DIAPH2: variants seen among roughly 807,000 people sequenced by gnomAD.
DIAPH2 encodes the protein protein diaphanous homolog 2.
A neutral mutation model predicts 92.7 loss-of-function variants in DIAPH2; 35 were observed. That is an observed-to-expected ratio of 0.38 (90% CI 0.29 to 0.50). DIAPH2 has a LOEUF of 0.50. Among genes scored for constraint, DIAPH2 ranks in the 20% least tolerant of loss-of-function variants. The probability of loss-of-function intolerance (pLI) is 0.94; values close to 1 mark genes in which losing one functional copy is unlikely to be tolerated. For missense variants in DIAPH2, 701 were observed against 819.5 expected, an observed-to-expected ratio of 0.86 and a Z score of 1.77; for synonymous variants, 301 against 280.4, an observed-to-expected ratio of 1.07 and a Z score of -0.73.
intron 1 of DIAPH2, among the ~76,000 whole-genome samples, chrX:96,716,460 G>C (rs1332503393): frequency 1.8e-5 from 2 of 111,671 alleles, no homozygotes; most frequent in Admixed American, 1.9e-4. Context: ...AGTCTCTTAT[G>C]TATTGTTTAT....
At chrX:96,707,136 T>C (rs1371035130) in intron 1 of DIAPH2, among the ~76,000 whole-genome samples, 1 of 109,010 alleles carries the variant, frequency 9.2e-6, no homozygotes, top group African/African-American at 3.3e-5. Flanking sequence ...CTGTCTCTAC[T>C]TTTTGATTGA....
intron 22 of DIAPH2, among the ~76,000 whole-genome samples, chrX:97,203,856 GA>G (rs1374395176): frequency 1.8e-5 from 2 of 111,551 alleles, no homozygotes; most frequent in East Asian, 5.6e-4. Context: ...AAATGTGGCA[GA>G]GACACAACAA....
intron 26 of DIAPH2, among the ~76,000 whole-genome samples, chrX:97,487,584 C>T (rs779317493): frequency 1.8e-5 from 2 of 111,754 alleles, no homozygotes; most frequent in South Asian, 7.6e-4. Flanking sequence ...TCAATTCTTT[C>T]GGACATATCC....
intron 4 of DIAPH2, among the ~76,000 whole-genome samples, chrX:96,850,794 C>T (rs770891198): frequency 1.8e-5 from 2 of 112,011 alleles, no homozygotes; most frequent in East Asian, 5.6e-4. Flanking sequence ...TTGCTTCATT[C>T]TCTGAGGCAT....
chrX:96,934,334 CT>C (rs931982039), intron 10 of DIAPH2, among the ~76,000 whole-genome samples: 137 of 111,195 alleles, frequency 1.2e-3, no homozygotes, highest in Non-Finnish European at 1.5e-3. Flanking sequence ...TCTATTTATT[CT>C]TTTTTTTATA....
chrX:97,438,355 GTTTGTTTTTT>G (rs2070214004), intron 26 of DIAPH2, among the ~76,000 whole-genome samples: 1 of 41,840 alleles, frequency 2.4e-5, no homozygotes, highest in African/African-American at 8.9e-5. Flanking sequence ...TTTTTTGTTT[GTTTGTTTTTT>G]TTTTTTTTTT....
chrX:96,715,387 G>T (rs2063943506), intron 1 of DIAPH2, among the ~76,000 whole-genome samples: 1 of 111,161 alleles, frequency 9.0e-6, no homozygotes, highest in Non-Finnish European at 1.9e-5. Flanking sequence ...TTCAACTCAG[G>T]GCAATAATTA....
At chrX:97,536,732 C>T (rs2071098719) in intron 26 of DIAPH2, among the ~76,000 whole-genome samples, 1 of 111,515 alleles carries the variant, frequency 9.0e-6, no homozygotes, top group South Asian at 3.7e-4. Context: ...AAATCATGTA[C>T]CCTGAAACCT....
chrX:97,326,684 TCTG>T (rs1440412512), intron 23 of DIAPH2, among the ~76,000 whole-genome samples: 3 of 112,657 alleles, frequency 2.7e-5, no homozygotes, highest in African/African-American at 6.4e-5. Context: ...GGTTTGCAGT[TCTG>T]CTGAGCTGCA....
chrX:96,901,601 G>A (rs1274012722), intron 5 of DIAPH2, among the ~76,000 whole-genome samples: 2 of 88,279 alleles, frequency 2.3e-5, no homozygotes, highest in Non-Finnish European at 4.2e-5. Context: ...GTTCAATCTC[G>A]GCTCAGTGCT....
intron 23 of DIAPH2, among the ~76,000 whole-genome samples, chrX:97,249,127 C>G (rs1451324995): frequency 9.1e-6 from 1 of 109,541 alleles, no homozygotes; most frequent in Non-Finnish European, 1.9e-5. Flanking sequence ...CCTTTTTCAC[C>G]TTTTGATTTT....
intron 4 of DIAPH2, among the ~76,000 whole-genome samples, chrX:96,844,450 T>G (rs1232019574): frequency 8.9e-6 from 1 of 112,824 alleles, no homozygotes; most frequent in East Asian, 2.8e-4. Context: ...CTGTTATACC[T>G]TTAAAGTGAA....
chrX:97,329,460 A>G (rs912188702), intron 23 of DIAPH2, among the ~76,000 whole-genome samples: 1 of 112,446 alleles, frequency 8.9e-6, no homozygotes, highest in African/African-American at 3.2e-5. Context: ...ATTGATATCC[A>G]GTAGAAGCAT....
At chrX:97,473,012 A>G (rs1404920763) in intron 26 of DIAPH2, among the ~76,000 whole-genome samples, 2 of 111,969 alleles carry the variant, frequency 1.8e-5, no homozygotes, top group Non-Finnish European at 3.8e-5. Context: ...TCTTCCTGGT[A>G]CAACTAGTTG....
chrX:96,901,711 T>G (rs1217447616), intron 5 of DIAPH2, among the ~76,000 whole-genome samples: 1 of 108,525 alleles, frequency 9.2e-6, no homozygotes, highest in Non-Finnish European at 1.9e-5. Flanking sequence ...ATTTTTGTAT[T>G]TTTAGTAGAG....
intron 1 of DIAPH2, among the ~76,000 whole-genome samples, chrX:96,699,513 T>G (rs1429827198): frequency 1.8e-5 from 2 of 111,969 alleles, no homozygotes; most frequent in Non-Finnish European, 3.8e-5. Context: ...GGGTTGCTGT[T>G]CTCTATCCTA....
Position 97,222,172 on chromosome X carries a change from AGATGATGATGAT to A in DIAPH2, c.2720-25506_2720-25495del, listed in dbSNP as rs56742311. On this transcript the variant is annotated intron_variant, in intron 22 of 26. Coordinates refer to ENST00000324765, the MANE Select transcript of DIAPH2 (RefSeq NM_006729.5). ...TATTTGAAGTATAAAGGGAGGGTCTAGATGATGATGATGATGATGATGATGATGATGATGATG... is the reference window on the plus strand; with the variant it reads ...TATTTGAAGTATAAAGGGAGGGTCTAGATGATGATGATGATGATGATGATG... Among the ~76,000 whole-genome samples the A allele has an allele frequency of 1.9e-4, 20 of 104,072 alleles. No homozygotes were observed. In the South Asian group the frequency reaches 2.5e-3, roughly 13 times the overall value. 90.4% of individuals were successfully genotyped at this position (104,072 alleles called of 115,157 possible).
intron 17 of DIAPH2, among the ~76,000 whole-genome samples, chrX:97,034,101 T>G: frequency 9.3e-6 from 1 of 107,366 alleles, no homozygotes; most frequent in Non-Finnish European, 1.9e-5. Context: ...TTTTTTTTAC[T>G]GTGACACTGT....
Position 97,345,324 on chromosome X carries a change from C to T in DIAPH2, c.2845-2792C>T, listed in dbSNP as rs144830912. On this transcript the variant is annotated intron_variant, in intron 23 of 26. Transcript: ENST00000324765. ...TTGTTAATGTGAATGCTAATACTTA[C>T]GTAGCATAAAAAAAGAACATAGGAA... 4.5e-3 allele frequency among the ~76,000 whole-genome samples: 497 copies of T among 111,249 alleles called. 1 individual carries two copies. The highest frequency in any genetic ancestry group is 7.9e-3 in the Non-Finnish European group (419 of 53,042).
Sources: gnomAD v4.1 joint callset for allele counts (sites outside exome capture counted in the v4.1 genomes callset) on GRCh38, gnomAD v4.1.1 for gene constraint, MANE v1.5 for transcripts, NCBI Gene and HGNC (gene_info 2026-07-23, HGNC 2026-07-21) for gene names.